Variants in MTCL3 observed in about 807,000 individuals in gnomAD.
MTCL3 encodes MTCL family member 3.
At chr6:127,501,066 C>A in the MTCL3 span, among the ~76,000 whole-genome samples, 2 of 152,208 alleles carry the variant, frequency 1.3e-5, no homozygotes, top group African/African-American at 4.8e-5. Context: ...CCTGCCTTGG[C>A]CTCCCAAAGT....
the MTCL3 span, among the ~76,000 whole-genome samples, chr6:127,489,350 A>G: frequency 7.2e-5 from 11 of 152,224 alleles, no homozygotes; most frequent in South Asian, 1.0e-3. Context: ...AAATAGGCCA[A>G]TTAATAACCC....
chr6:127,480,354 G>A, the MTCL3 span, among the ~76,000 whole-genome samples: 2 of 152,170 alleles, frequency 1.3e-5, no homozygotes, highest in African/African-American at 4.8e-5. Flanking sequence ...TAGGCAGCCT[G>A]GCCCTAGAGC....
the MTCL3 span, chr6:127,514,803 T>G: frequency 1.9e-6 from 3 of 1,599,946 alleles, no homozygotes; most frequent in South Asian, 1.1e-5. Context: ...CGCGCGCCAT[T>G]GAGCCCCCGC....
the MTCL3 span, among the ~76,000 whole-genome samples, chr6:127,506,352 T>C: frequency 6.6e-6 from 1 of 152,172 alleles, no homozygotes; most frequent in African/African-American, 2.4e-5. Flanking sequence ...CCCAGAGGCC[T>C]CACATAAAAC....
chr6:127,511,943 A>G, the MTCL3 span, among the ~76,000 whole-genome samples: 13 of 152,144 alleles, frequency 8.5e-5, no homozygotes, highest in Non-Finnish European at 1.3e-4. Context: ...AAAGATTAGA[A>G]TTTTCTTTAG....
chr6:127,475,802 G>C, the MTCL3 span: 1 of 1,612,284 alleles, frequency 6.2e-7, no homozygotes, highest in Admixed American at 1.7e-5. The surrounding 1 kb of genome is among the most constrained non-coding windows in gnomAD (Gnocchi z 7.3). Flanking sequence ...CGGATGCCCA[G>C]GTGCGAGGCC....
the MTCL3 span, among the ~76,000 whole-genome samples, chr6:127,485,883 T>C: frequency 6.6e-6 from 1 of 152,164 alleles, no homozygotes; most frequent in East Asian, 1.9e-4. Flanking sequence ...GAGAAAATCA[T>C]TCAAGAGAAC....
At chr6:127,515,298 G>C in the MTCL3 span, among the ~76,000 whole-genome samples, 1 of 152,082 alleles carries the variant, frequency 6.6e-6, no homozygotes, top group East Asian at 1.9e-4. This position sits in a 1 kb window ranked among gnomAD's most constrained non-coding sequence, Gnocchi z 4.3. Context: ...TTAGAGAAAC[G>C]GAGGCCCAGA....
chr6:127,496,690 G>A, the MTCL3 span, among the ~76,000 whole-genome samples: 1 of 152,182 alleles, frequency 6.6e-6, no homozygotes, highest in Admixed American at 6.5e-5. Flanking sequence ...CTACTGGTGA[G>A]TGAATAGATA....
At chr6:127,490,871 T>C in the MTCL3 span, among the ~76,000 whole-genome samples, 1 of 152,114 alleles carries the variant, frequency 6.6e-6, no homozygotes, top group Non-Finnish European at 1.5e-5. Flanking sequence ...TCATGATTGA[T>C]TGGAGACGGT....
At chr6:127,473,240 C>A in the MTCL3 span, 2 of 1,459,020 alleles carry the variant, frequency 1.4e-6, no homozygotes, top group Non-Finnish European at 1.8e-6. Context: ...ACAAAATAAA[C>A]AAACTGAAAA....
the MTCL3 span, among the ~76,000 whole-genome samples, chr6:127,505,771 C>G: frequency 1.3e-5 from 2 of 152,140 alleles, no homozygotes; most frequent in Admixed American, 6.6e-5. Flanking sequence ...TCAGTGGGTG[C>G]AAACTTGGAG....
At chr6:127,483,398 C>A in the MTCL3 span, among the ~76,000 whole-genome samples, 1 of 152,214 alleles carries the variant, frequency 6.6e-6, no homozygotes, top group Non-Finnish European at 1.5e-5. Flanking sequence ...TGAACACACA[C>A]TTTCAGTGAA....
chr6:127,513,365 G>T, the MTCL3 span, among the ~76,000 whole-genome samples: 2 of 152,160 alleles, frequency 1.3e-5, no homozygotes, highest in Non-Finnish European at 2.9e-5. Context: ...TCTAAATTTT[G>T]TTCCCTTAAC....
the MTCL3 span, chr6:127,476,543 A>G: frequency 1.7e-6 from 2 of 1,190,722 alleles, no homozygotes; most frequent in Admixed American, 2.4e-5. The surrounding 1 kb of genome is among the most constrained non-coding windows in gnomAD (Gnocchi z 4.4). Flanking sequence ...AAAAGAGGAC[A>G]CCTGGATAAA....
chr6:127,496,404 A>T, the MTCL3 span, among the ~76,000 whole-genome samples: 13 of 149,148 alleles, frequency 8.7e-5, no homozygotes, highest in South Asian at 1.7e-3. Context: ...TTTTTTTTTA[A>T]AAATAACATC....
At chr6:127,477,636 C>T in the MTCL3 span, among the ~76,000 whole-genome samples, 9 of 152,096 alleles carry the variant, frequency 5.9e-5, no homozygotes, top group African/African-American at 2.2e-4. Flanking sequence ...CAGTAAATAC[C>T]ACACAGAGCC....
At chr6:127,477,265 A>G in the MTCL3 span, among the ~76,000 whole-genome samples, 1 of 152,246 alleles carries the variant, frequency 6.6e-6, no homozygotes, top group Non-Finnish European at 1.5e-5. Flanking sequence ...GCAAAAGAAT[A>G]GTGGAACTAT....
the MTCL3 span, chr6:127,513,047 A>G: frequency 6.2e-7 from 1 of 1,607,298 alleles, no homozygotes; most frequent in Non-Finnish European, 8.5e-7. Context: ...CATCCTTTGC[A>G]ACCTGAATTA....
Sources: gnomAD v4.1 joint callset for allele counts (sites outside exome capture counted in the v4.1 genomes callset) on GRCh38, gnomAD v4.1.1 for gene constraint, Gnocchi (gnomAD v3.1) non-coding constraint, MANE v1.5 for transcripts, NCBI Gene and HGNC (gene_info 2026-07-23, HGNC 2026-07-21) for gene names.